SNX25: variants seen among roughly 807,000 people sequenced by gnomAD.
SNX25 encodes sorting nexin 25.
SNX25 carries 62 observed loss-of-function variants against 113.7 expected under a neutral mutation model. The observed-to-expected ratio is 0.55, with a 90% CI of 0.44 to 0.67. The LOEUF (loss-of-function observed/expected upper bound fraction) is 0.67, where lower values mean the gene tolerates loss of function less well. SNX25 is among the 30% of genes least tolerant of loss of function. SNX25 has a pLI of 0.00. For synonymous variants in SNX25, 421 were observed against 436.2 expected, an observed-to-expected ratio of 0.97 and a Z score of 0.43; for missense variants, 1,014 against 1,161.0, an observed-to-expected ratio of 0.87 and a Z score of 1.84.
the SNX25 span, among the ~76,000 whole-genome samples, chr4:185,376,297 A>C: frequency 6.6e-6 from 1 of 152,084 alleles, no homozygotes. Flanking sequence ...CTTTTTTTTG[A>C]GAGGGAGTCT....
intron 13 of SNX25, among the ~76,000 whole-genome samples, chr4:185,350,575 A>C (rs573367262): frequency 1.3e-5 from 2 of 152,350 alleles, no homozygotes; most frequent in South Asian, 2.1e-4. Flanking sequence ...AGAAACTGTT[A>C]TATATGGCCA....
intron 6 of SNX25, among the ~76,000 whole-genome samples, chr4:185,310,005 C>T (rs973495375): frequency 1.3e-5 from 2 of 152,202 alleles, no homozygotes; most frequent in African/African-American, 4.8e-5. Context: ...AAGCTCTGTT[C>T]TCTTTCCTGC....
At chr4:185,239,293 C>CTAAGA (rs1743175883) in intron 1 of SNX25, among the ~76,000 whole-genome samples, 1 of 151,770 alleles carries the variant, frequency 6.6e-6, no homozygotes, top group African/African-American at 2.4e-5. Context: ...ACCATCCTGG[C>CTAAGA]CAACACGGTG....
chr4:185,216,513 GT>G (rs34410263), intron 1 of SNX25, among the ~76,000 whole-genome samples: 39,827 of 96,988 alleles, frequency 0.41, 7,038 homozygotes, highest in East Asian at 0.55. Flanking sequence ...TGTGTATTTG[GT>G]TTTTTTTTTT....
At chr4:185,275,477 G>T (rs1393256938) in intron 5 of SNX25, among the ~76,000 whole-genome samples, 1 of 152,168 alleles carries the variant, frequency 6.6e-6, no homozygotes. Flanking sequence ...AATAAAGTGG[G>T]TTACTGATGG....
At chr4:185,253,073 AGAC>A (rs35208598) in intron 2 of SNX25, among the ~76,000 whole-genome samples, 51,520 of 151,878 alleles carry the variant, frequency 0.34, 10,547 homozygotes, top group East Asian at 0.56. Context: ...GATAGGAAAA[AGAC>A]GACTTCTAAA....
chr4:185,371,543 A>G, downstream of SNX25, among the ~76,000 whole-genome samples: 1 of 137,128 alleles, frequency 7.3e-6, no homozygotes. Flanking sequence ...CTCCGTCTAA[A>G]AAAAAAAAAA....
intron 1 of SNX25, among the ~76,000 whole-genome samples, chr4:185,243,490 C>T (rs1156381102): frequency 3.3e-5 from 5 of 152,102 alleles, no homozygotes; most frequent in Non-Finnish European, 5.9e-5. Context: ...GTAGTTCTAG[C>T]TACTCAGGAG....
Position 185,363,266 on chromosome 4 carries a change from T to C in SNX25, c.2935-119T>C, listed in dbSNP as rs1164655301. ...TATTAAATACTGTTTGAGAGTTACTTGTTTACTGAGATAATTTCAGACCTA... is the reference window on the plus strand; with the variant it reads ...TATTAAATACTGTTTGAGAGTTACTCGTTTACTGAGATAATTTCAGACCTA... On this transcript the variant is annotated intron_variant, in intron 18 of 18. Transcript: ENST00000652585. The surrounding 1 kb of genome is among the most constrained non-coding windows in gnomAD (Gnocchi z 4.2). 2.5e-5 allele frequency: 21 copies of C among 826,414 alleles called. No homozygotes were observed. The highest frequency in any genetic ancestry group is 3.7e-5 in the Non-Finnish European group (19 of 514,678). 51.2% of individuals were successfully genotyped at this position (826,414 alleles called of 1,614,324 possible). A position where few individuals can be genotyped will look rare whatever the true frequency, so the allele number is the denominator to read the frequency against.
At chr4:185,209,567 C>T (rs758869432), upstream of SNX25, 3 of 255,038 alleles carry the variant, frequency 1.2e-5, no homozygotes, top group African/African-American at 2.3e-5. This position sits in a 1 kb window ranked among gnomAD's most constrained non-coding sequence, Gnocchi z 5.2. Context: ...AGGGCGGCCC[C>T]GCCCCGCCCG....
At chr4:185,212,492 T>TGTTTTTG (rs1491296342) in intron 1 of SNX25, among the ~76,000 whole-genome samples, 1 of 27,870 alleles carries the variant, frequency 3.6e-5, no homozygotes, top group African/African-American at 1.2e-4. Context: ...TGTGTGTGTG[T>TGTTTTTG]TTTTTTTTTT....
chr4:185,226,018 T>C lies in SNX25; in HGVS notation c.429+15763T>C, dbSNP rs144649216. On this transcript the variant is annotated intron_variant, in intron 1 of 18. Transcript: ENST00000652585. The stretch of plus-strand genomic sequence containing the variant: ...TTAGGACTTAATGTCACTTCAGAGG[T>C]CTCAGAATGAACTTGAATGATGTCA... Among the ~76,000 whole-genome samples, 369 of 152,296 alleles carry C rather than the reference T, an allele frequency of 2.4e-3. 2 individuals carry two copies. The highest frequency in any genetic ancestry group is 8.4e-3 in the African/African-American group (350 of 41,548).
intron 1 of SNX25, among the ~76,000 whole-genome samples, chr4:185,214,922 T>C (rs1490570526): frequency 6.6e-6 from 1 of 152,132 alleles, no homozygotes; most frequent in Admixed American, 6.5e-5. Flanking sequence ...AGCTTTGCAA[T>C]AGGTGGCATT....
chr4:185,369,338 C>T (rs985147235), intron 11 of SNX25, among the ~76,000 whole-genome samples: 6 of 151,034 alleles, frequency 4.0e-5, no homozygotes, highest in Non-Finnish European at 1.5e-5. Flanking sequence ...CTGCCTCAGC[C>T]TCGCGAGTAG....
intron 6 of SNX25, among the ~76,000 whole-genome samples, chr4:185,304,230 C>CA (rs1754129331): frequency 6.6e-6 from 1 of 152,246 alleles, no homozygotes; most frequent in African/African-American, 2.4e-5. Context: ...ACTGTAACCT[C>CA]AAACTCCTGG....
intron 1 of SNX25, among the ~76,000 whole-genome samples, chr4:185,246,369 A>G (rs577980026): frequency 4.6e-5 from 7 of 152,306 alleles, no homozygotes; most frequent in East Asian, 1.9e-4. Flanking sequence ...CCCCAACAAT[A>G]TATGAAAACA....
intron 1 of SNX25, among the ~76,000 whole-genome samples, chr4:185,219,601 A>G (rs1274749599): frequency 1.3e-5 from 2 of 152,182 alleles, no homozygotes; most frequent in African/African-American, 4.8e-5. Context: ...TTTTCTTCTT[A>G]TGGAAGCTAA....
intron 6 of SNX25, among the ~76,000 whole-genome samples, chr4:185,309,318 T>C (rs1754919305): frequency 6.6e-6 from 1 of 152,186 alleles, no homozygotes; most frequent in African/African-American, 2.4e-5. Context: ...TTGGAAGTCA[T>C]AGCATCACTT....
At chr4:185,237,877 A>G (rs1047568673) in intron 1 of SNX25, among the ~76,000 whole-genome samples, 1 of 151,798 alleles carries the variant, frequency 6.6e-6, no homozygotes, top group African/African-American at 2.4e-5. Flanking sequence ...AGCCTGGCCA[A>G]CATGGAGAAA....
Sources: gnomAD v4.1 joint callset for allele counts (sites outside exome capture counted in the v4.1 genomes callset) on GRCh38, gnomAD v4.1.1 for gene constraint, Gnocchi (gnomAD v3.1) non-coding constraint, MANE v1.5 for transcripts, NCBI Gene and HGNC (gene_info 2026-07-23, HGNC 2026-07-21) for gene names.